Variants in PAPOLG observed in about 807,000 individuals in gnomAD.
The protein encoded by PAPOLG is poly(A) polymerase gamma, also known as PAP-gamma.
Under a neutral mutation model 99.0 loss-of-function variants are expected in PAPOLG, and 40 were observed. The observed-to-expected ratio is 0.40, with a 90% confidence interval of 0.31 to 0.53. The LOEUF (loss-of-function observed/expected upper bound fraction) is 0.53. Ranked by LOEUF, PAPOLG falls within the 20% of genes least tolerant of loss-of-function variation. The probability of loss-of-function intolerance (pLI) is 0.41; values close to 1 mark genes in which losing one functional copy is unlikely to be tolerated. For missense variants in PAPOLG, 675 were observed against 884.1 expected, an observed-to-expected ratio of 0.76 and a Z score of 3.00; for synonymous variants, 310 against 299.3, an observed-to-expected ratio of 1.04 and a Z score of -0.37.
intron 2 of PAPOLG, among the ~76,000 whole-genome samples, chr2:60,761,288 A>T (rs1416194668): frequency 6.6e-6 from 1 of 152,226 alleles, no homozygotes; most frequent in East Asian, 1.9e-4. Flanking sequence ...TAATAATACC[A>T]AACTACTTTA....
At chr2:60,770,396 T>G in intron 5 of PAPOLG, 62 bp from the exon 6 acceptor site, 19 of 1,350,918 alleles carry the variant, frequency 1.4e-5, no homozygotes, top group Non-Finnish European at 1.8e-5. Context: ...ACATTATTGG[T>G]AGTTAGGAAG....
chr2:60,792,056 A>T (rs375250273), intron 16 of PAPOLG, 73 bp from the exon 17 acceptor site: 1 of 1,499,770 alleles, frequency 6.7e-7, no homozygotes, highest in African/African-American at 1.4e-5. Context: ...TGCTTAAGTG[A>T]CCTTCAGAAT....
At chr2:60,783,730 T>G (rs1424329660) in intron 13 of PAPOLG, among the ~76,000 whole-genome samples, 1 of 151,996 alleles carries the variant, frequency 6.6e-6, no homozygotes, top group Admixed American at 6.6e-5. Flanking sequence ...GCCAGGCTGG[T>G]CTCGAACTCC....
chr2:60,767,218 T>C (rs1457212779), intron 3 of PAPOLG, among the ~76,000 whole-genome samples: 1 of 152,194 alleles, frequency 6.6e-6, no homozygotes, highest in Non-Finnish European at 1.5e-5. Context: ...ACTGTTATCA[T>C]TGGAAGAATT....
intron 15 of PAPOLG, among the ~76,000 whole-genome samples, chr2:60,789,879 C>G (rs960184409): frequency 6.6e-5 from 10 of 152,274 alleles, no homozygotes; most frequent in African/African-American, 2.4e-4. Context: ...TACCTGAGGT[C>G]TGGAGTTCAA....
chr2:60,769,755 T>C (rs1482401380), intron 5 of PAPOLG, among the ~76,000 whole-genome samples: 1 of 152,184 alleles, frequency 6.6e-6, no homozygotes, highest in Non-Finnish European at 1.5e-5. Context: ...TTTTTTTGTT[T>C]GTTTTTTTAA....
chr2:60,787,690 C>T, intron 15 of PAPOLG, 70 bp downstream of exon 15: 1 of 1,549,950 alleles, frequency 6.5e-7, no homozygotes. Context: ...TGCCTACAAT[C>T]TGGCTGGCTG....
At position 60,775,074 on chromosome 2, in the gene PAPOLG, TAAAG is replaced by T. The variant is rs1670976214; in HGVS notation, c.649_652del (p.Glu217LeufsTer6). On this transcript the variant is annotated frameshift_variant, in exon 8 of 22. Coordinates refer to ENST00000238714, the MANE Select transcript of PAPOLG (RefSeq NM_022894.4). LOFTEE classifies it high-confidence loss of function. ...ATGAAATTTTGCATTTAGTGCCAAA[TAAAG>T]AAACTTTTAGACTCACCCTAAGAGC... is the stretch of plus-strand genomic sequence containing the variant. 1.9e-6 allele frequency: 3 copies of T among 1,613,520 alleles called. No homozygotes were observed. The highest frequency in any genetic ancestry group is 2.5e-6 in the Non-Finnish European group (3 of 1,179,808).
intron 8 of PAPOLG, among the ~76,000 whole-genome samples, chr2:60,778,464 C>T (rs1333506218): frequency 2.0e-5 from 3 of 152,060 alleles, no homozygotes; most frequent in Admixed American, 1.3e-4. Context: ...AGGTGTGAGC[C>T]ACAGTGCCTG....
intron 1 of PAPOLG, 88 bp downstream of exon 1, chr2:60,756,583 C>G (rs1347686170): frequency 1.4e-6 from 2 of 1,380,032 alleles, no homozygotes. Flanking sequence ...TTCCCTGTCC[C>G]TTGCGCCCTG....
chr2:60,788,803 C>T (rs1671443344), intron 15 of PAPOLG, among the ~76,000 whole-genome samples: 1 of 151,916 alleles, frequency 6.6e-6, no homozygotes, highest in African/African-American at 2.4e-5. Context: ...TGAGACCAGC[C>T]TGGGCAACAT....
chr2:60,761,191 A>G (rs2103756665), intron 2 of PAPOLG, among the ~76,000 whole-genome samples: 1 of 152,314 alleles, frequency 6.6e-6, no homozygotes, highest in African/African-American at 2.4e-5. Context: ...ACAGACGTTC[A>G]GTTTTGCATG....
At chr2:60,778,918 G>A (rs1332437965) in intron 8 of PAPOLG, among the ~76,000 whole-genome samples, 1 of 151,946 alleles carries the variant, frequency 6.6e-6, no homozygotes, top group African/African-American at 2.4e-5. Flanking sequence ...ACATAATATA[G>A]ATAGCTATAT....
At position 60,787,626 on chromosome 2, in the gene PAPOLG, A is replaced by C. The variant is rs746931770; in HGVS notation, c.1396+6A>C. On this transcript the variant is annotated splice_donor_region_variant and intron_variant, in intron 15 of 21. Transcript: ENST00000238714. Reference sequence around the variant, plus strand: ...ACAGTCATTTACTGATACAGGTAAGACTCCATCATCATAGAGCTGTGATTC... The same window carrying C: ...ACAGTCATTTACTGATACAGGTAAGCCTCCATCATCATAGAGCTGTGATTC... 4 of 1,611,910 alleles carry C rather than the reference A, an allele frequency of 2.5e-6. No individual in the cohort carries two copies. The highest frequency in any genetic ancestry group is 2.2e-5 in the East Asian group (1 of 44,824).
chr2:60,777,685 A>G (rs1235568787), intron 8 of PAPOLG, among the ~76,000 whole-genome samples: 2 of 152,210 alleles, frequency 1.3e-5, no homozygotes, highest in Non-Finnish European at 2.9e-5. Flanking sequence ...AGTGAGAGAC[A>G]TACGACTCTT....
chr2:60,762,910 A>AGACATGG (rs1670563107), intron 3 of PAPOLG, among the ~76,000 whole-genome samples: 8 of 151,516 alleles, frequency 5.3e-5, no homozygotes, highest in African/African-American at 1.9e-4. Context: ...TACAGCCTCG[A>AGACATGG]GCCACCGCGC....
intron 13 of PAPOLG, among the ~76,000 whole-genome samples, chr2:60,785,400 G>A (rs981902332): frequency 1.3e-5 from 2 of 152,206 alleles, no homozygotes; most frequent in African/African-American, 4.8e-5. Context: ...GCCTCCCAGA[G>A]TGCTGGGATT....
intron 3 of PAPOLG, among the ~76,000 whole-genome samples, chr2:60,766,022 C>T (rs1206939061): frequency 6.6e-6 from 1 of 152,132 alleles, no homozygotes; most frequent in African/African-American, 2.4e-5. Context: ...CCTTAATATT[C>T]ATTACACAGA....
At position 60,781,964 on chromosome 2, in the gene PAPOLG, C is replaced by T. The variant is rs1479493425; in HGVS notation, c.986C>T (p.Ser329Phe). The change falls in exon 11 of 22, where the codon TCC (serine) becomes TTC (phenylalanine). Residue 329 changes from serine (S) to phenylalanine (F), a missense_variant. This residue lies in a region of PAPOLG where 113 missense variants were observed against 231.5 expected (regional missense o/e 0.49). Coordinates refer to ENST00000238714, the MANE Select transcript of PAPOLG (RefSeq NM_022894.4). ...YPQQNSTYNV[S>F]TSTRTVMVEE... ...CAACAGAATTCTACGTATAATGTGTCCACATCAACTCGAACAGTAATGGTA... is the reference window on the plus strand; with the variant it reads ...CAACAGAATTCTACGTATAATGTGTTCACATCAACTCGAACAGTAATGGTA... The T allele has an allele frequency of 6.2e-7, 1 of 1,613,794 alleles. No homozygotes were observed. Among genetic ancestry groups the T allele is most frequent in the Non-Finnish European group, 8.5e-7 (1 of 1,179,868 alleles).
Sources: gnomAD v4.1 joint callset for allele counts (sites outside exome capture counted in the v4.1 genomes callset) on GRCh38, gnomAD v4.1.1 for gene constraint, gnomAD v4.1.1 regional missense constraint, MANE v1.5 for transcripts, NCBI Gene and HGNC (gene_info 2026-07-23, HGNC 2026-07-21) for gene names.